BMP7: variants seen among roughly 807,000 people sequenced by gnomAD.
BMP7 encodes bone morphogenetic protein 7.
BMP7 carries 12 observed loss-of-function variants against 41.2 expected under a neutral mutation model. The ratio of observed to expected loss-of-function variants is 0.29; its 90% confidence interval spans 0.19 to 0.47. The LOEUF (loss-of-function observed/expected upper bound fraction) is 0.47, where lower values mean the gene tolerates loss of function less well. Ranked by LOEUF, BMP7 falls within the 20% of genes least tolerant of loss-of-function variation. BMP7 has a pLI of 0.99. For missense variants in BMP7, 467 were observed against 606.0 expected, an observed-to-expected ratio of 0.77 and a Z score of 2.41; for synonymous variants, 248 against 250.0, an observed-to-expected ratio of 0.99 and a Z score of 0.07.
chr20:57,189,738 G>C (rs1006134258), intron 3 of BMP7, among the ~76,000 whole-genome samples: 1 of 152,186 alleles, frequency 6.6e-6, no homozygotes, highest in African/African-American at 2.4e-5. Flanking sequence ...TGTGTCCCAG[G>C]CTTGAACAAC....
chr20:57,203,629 AT>A (rs1195286412), intron 2 of BMP7, among the ~76,000 whole-genome samples: 2 of 152,234 alleles, frequency 1.3e-5, no homozygotes, highest in African/African-American at 4.8e-5. Flanking sequence ...GGATAGTAGA[AT>A]TCTAGTATGA....
At chr20:57,231,150 G>A (rs901403551) in intron 1 of BMP7, among the ~76,000 whole-genome samples, 8 of 152,188 alleles carry the variant, frequency 5.3e-5, no homozygotes, top group Non-Finnish European at 1.2e-4. Flanking sequence ...AACAGTCGCT[G>A]CAGGGCCTCA....
chr20:57,173,256 C>A lies in BMP7; in HGVS notation c.1090G>T (p.Ala364Ser), dbSNP rs748347077. ...TTCATGTAGGAGTTCAGAGGGAAGG[C>A]ACACTCCCCCTCACAGTAGTAGGCG... Reference protein sequence around the residue: ...YAAYYCEGECAFPLNSYMNAT... With the variant: ...YAAYYCEGECSFPLNSYMNAT... The change falls in exon 6 of 7, where the codon GCC becomes TCC. Residue 364 changes from alanine (A) to serine (S), a missense_variant. Ala to Ser is a moderately conservative substitution (Grantham distance 99, BLOSUM62 1). This residue lies in a region of BMP7 where 60 missense variants were observed against 120.1 expected (regional missense o/e 0.50). Coordinates refer to ENST00000395863, the MANE Select transcript of BMP7 (RefSeq NM_001719.3). 40 of 1,614,084 alleles carry A rather than the reference C, an allele frequency of 2.5e-5. No homozygotes were observed. In the South Asian group the frequency reaches 4.2e-4, roughly 17 times the overall value.
At chr20:57,185,983 G>A (rs188430143) in intron 3 of BMP7, among the ~76,000 whole-genome samples, 8 of 148,614 alleles carry the variant, frequency 5.4e-5, no homozygotes, top group South Asian at 2.2e-4. Context: ...CTAGCTCAGG[G>A]CAGAGCTTTG....
intron 4 of BMP7, 27 bp from the exon 5 acceptor site, chr20:57,175,034 A>G: frequency 6.2e-7 from 1 of 1,601,816 alleles, no homozygotes; most frequent in Middle Eastern, 1.6e-4. Flanking sequence ...GTGAAGAAGC[A>G]GAGCCCAGTG....
In BMP7 at chr20:57,190,464, C is replaced by T. The variant is rs184636718; in HGVS notation, c.761-6545G>A. Among the ~76,000 whole-genome samples, 28 of 80,680 alleles carry T rather than the reference C, an allele frequency of 3.5e-4. No individual in the cohort carries two copies. In the East Asian group the frequency reaches 4.7e-3, roughly 14 times the overall value. The allele number at this position is 80,680 out of a possible 152,430, so 52.9% of individuals were successfully genotyped here. A position where few individuals can be genotyped will look rare whatever the true frequency, so the allele number is the denominator to read the frequency against. On this transcript the variant is annotated intron_variant, in intron 3 of 6. Transcript: ENST00000395863. ...GGCTGGAGAGCGTGAGTGAGGAGCCCGAGGGGGTGAGGCTGGAGAGAGTGA... is the reference window on the plus strand; with the variant it reads ...GGCTGGAGAGCGTGAGTGAGGAGCCTGAGGGGGTGAGGCTGGAGAGAGTGA...
Position 57,174,904 on chromosome 20 carries a change from C to T in BMP7, c.1035+27G>A, listed in dbSNP as rs1304804055. On this transcript the variant is annotated intron_variant, in intron 5 of 6. Coordinates refer to ENST00000395863, the MANE Select transcript of BMP7 (RefSeq NM_001719.3). The surrounding 1 kb of genome is among the most constrained non-coding windows in gnomAD (Gnocchi z 4.3). ...GGAGCCCACGCCAGAGGGCCCACAC[C>T]CAAGACAGACCCAGCCAGCCCCTTA... 6.2e-7 allele frequency: 1 copy of T among 1,604,590 alleles called. No individual in the cohort carries two copies. The highest frequency in any genetic ancestry group is 8.5e-7 in the Non-Finnish European group (1 of 1,178,118).
chr20:57,234,044 A>G (rs893558055), intron 1 of BMP7, among the ~76,000 whole-genome samples: 4 of 152,140 alleles, frequency 2.6e-5, no homozygotes, highest in African/African-American at 9.7e-5. Flanking sequence ...GCTCATTACA[A>G]TGCACAACTG....
intron 2 of BMP7, among the ~76,000 whole-genome samples, chr20:57,222,239 T>C (rs1985206148): frequency 6.6e-6 from 1 of 152,032 alleles, no homozygotes; most frequent in Non-Finnish European, 1.5e-5. Context: ...ACCCGTATGC[T>C]CCCTGTGAAG....
chr20:57,192,507 G>A (rs1027167362), intron 3 of BMP7, among the ~76,000 whole-genome samples: 3 of 151,386 alleles, frequency 2.0e-5, no homozygotes, highest in East Asian at 1.9e-4. Context: ...GTCAGTGCGC[G>A]TAACTATTTA....
intron 1 of BMP7, among the ~76,000 whole-genome samples, 197 bp downstream of exon 1, chr20:57,265,508 C>T (rs944076811): frequency 6.6e-6 from 1 of 152,234 alleles, no homozygotes; most frequent in Non-Finnish European, 1.5e-5. Flanking sequence ...ACAGGCTCAC[C>T]GAACCCAGCG....
At chr20:57,193,724 C>A (rs1054570479) in intron 3 of BMP7, among the ~76,000 whole-genome samples, 1 of 152,208 alleles carries the variant, frequency 6.6e-6, no homozygotes, top group African/African-American at 2.4e-5. Context: ...TGAGAGACAT[C>A]ATGTGCAGGT....
chr20:57,212,766 G>A (rs1426199532), intron 2 of BMP7, among the ~76,000 whole-genome samples: 1 of 152,198 alleles, frequency 6.6e-6, no homozygotes, highest in African/African-American at 2.4e-5. Flanking sequence ...AGGGAAGCCC[G>A]GGAAGGAGAT....
intron 1 of BMP7, among the ~76,000 whole-genome samples, chr20:57,254,648 A>T (rs1600645554): frequency 1.9e-5 from 1 of 51,694 alleles, no homozygotes; most frequent in Non-Finnish European, 3.1e-5. Flanking sequence ...TTGATACAGT[A>T]AAAAAAAAAA....
At chr20:57,194,914 G>A (rs1464572760) in intron 3 of BMP7, among the ~76,000 whole-genome samples, 1 of 152,210 alleles carries the variant, frequency 6.6e-6, no homozygotes, top group Non-Finnish European at 1.5e-5. Context: ...GCAGGGAAAA[G>A]GATCCCCCAA....
rs1480294472 is a variant in BMP7 at position 57,170,975 on chromosome 20, G to C, written c.1280C>G (p.Ala427Gly). 1 of 1,613,660 alleles carries C rather than the reference G, an allele frequency of 6.2e-7. No homozygotes were observed. The highest frequency in any genetic ancestry group is 1.1e-5 in the South Asian group (1 of 91,022). Residue 427 changes from alanine (A) to glycine (G), a missense_variant, in exon 7 of 7, where the codon GCC (alanine) becomes GGC (glycine). Ala to Gly is a moderately conservative substitution (Grantham distance 60). This residue lies in a region of BMP7 where 60 missense variants were observed against 120.1 expected (regional missense o/e 0.50). Transcript: ENST00000395863. ...TCGGAGGAGCTAGTGGCAGCCACAG[G>C]CCCGGACCACCATGTTTCTGTATTT... The part of the protein sequence containing the change: ...LKKYRNMVVR[A>G]CGCH
At position 57,228,486 on chromosome 20, in the gene BMP7, G is replaced by A. The variant is rs2066016897; in HGVS notation, c.419-65C>T. ...ATTAGTGTCTGGGTTTCACTCTCTG[G>A]CTCTGAGTCCAAGCATCTTGCCTAA... On this transcript the variant is annotated intron_variant, in intron 1 of 6. Coordinates refer to ENST00000395863, the MANE Select transcript of BMP7 (RefSeq NM_001719.3). This position sits in a 1 kb window ranked among gnomAD's most constrained non-coding sequence, Gnocchi z 4.5. 2 of 1,575,138 alleles carry A rather than the reference G, an allele frequency of 1.3e-6. No homozygotes were observed. The highest frequency in any genetic ancestry group is 1.1e-5 in the South Asian group (1 of 90,158).
intron 2 of BMP7, among the ~76,000 whole-genome samples, chr20:57,203,201 G>A (rs773354086): frequency 3.3e-5 from 5 of 152,150 alleles, no homozygotes; most frequent in Non-Finnish European, 5.9e-5. Context: ...TTTCCAGGAC[G>A]TGCACCATCT....
At chr20:57,207,821 T>G (rs1292990018) in intron 2 of BMP7, among the ~76,000 whole-genome samples, 8 of 135,168 alleles carry the variant, frequency 5.9e-5, no homozygotes, top group East Asian at 2.1e-4. Flanking sequence ...GTTTTTTTTT[T>G]TTTTTTTTTT....
Sources: gnomAD v4.1 joint callset for allele counts (sites outside exome capture counted in the v4.1 genomes callset) on GRCh38, gnomAD v4.1.1 for gene constraint, gnomAD v4.1.1 regional missense constraint, Gnocchi (gnomAD v3.1) non-coding constraint, MANE v1.5 for transcripts, NCBI Gene and HGNC (gene_info 2026-07-23, HGNC 2026-07-21) for gene names.